HYCC1: variants seen among roughly 807,000 people sequenced by gnomAD.
The protein encoded by HYCC1 is hyccin PI4KA lipid kinase complex subunit 1, also known as hyccin.
At chr7:22,976,905 C>A in the HYCC1 span, 1 of 743,260 alleles carries the variant, frequency 1.3e-6, no homozygotes. Context: ...CTACCACGAA[C>A]ATCATATATC....
the HYCC1 span, among the ~76,000 whole-genome samples, chr7:22,921,887 AG>A: frequency 1.3e-5 from 2 of 152,200 alleles, no homozygotes; most frequent in Admixed American, 6.5e-5. Flanking sequence ...ACATTGCTCA[AG>A]GGTCAACTGT....
chr7:22,927,330 A>T, the HYCC1 span, among the ~76,000 whole-genome samples: 27 of 152,122 alleles, frequency 1.8e-4, no homozygotes, highest in Non-Finnish European at 3.2e-4. Flanking sequence ...AATAACTAAG[A>T]TCAGAGCAGA....
At chr7:23,001,879 T>C in the HYCC1 span, among the ~76,000 whole-genome samples, 1 of 147,284 alleles carries the variant, frequency 6.8e-6, no homozygotes, top group Non-Finnish European at 1.5e-5. Flanking sequence ...TTGGTTTCCT[T>C]TGCTTTATGG....
chr7:22,960,829 C>A, the HYCC1 span, among the ~76,000 whole-genome samples: 2 of 152,154 alleles, frequency 1.3e-5, no homozygotes, highest in Admixed American at 6.5e-5. Context: ...GGGGCCTGAT[C>A]ACCTGAGGTC....
the HYCC1 span, among the ~76,000 whole-genome samples, chr7:22,909,660 C>T: frequency 6.6e-6 from 1 of 152,206 alleles, no homozygotes; most frequent in Non-Finnish European, 1.5e-5. Context: ...ACCTACAATG[C>T]TCTGAACACA....
the HYCC1 span, chr7:22,946,052 C>T: frequency 6.2e-7 from 1 of 1,613,576 alleles, no homozygotes. Flanking sequence ...ACAATTGTGA[C>T]TACTGTTTGA....
the HYCC1 span, among the ~76,000 whole-genome samples, chr7:22,971,135 T>C: frequency 2.5e-4 from 38 of 151,714 alleles, no homozygotes; most frequent in African/African-American, 8.5e-4. Flanking sequence ...AAATAAACTT[T>C]TGGGATTGTT....
the HYCC1 span, among the ~76,000 whole-genome samples, chr7:22,905,246 G>A: frequency 6.6e-6 from 1 of 151,610 alleles, no homozygotes; most frequent in Non-Finnish European, 1.5e-5. Flanking sequence ...TTGCTGTGTT[G>A]CCCAGGCTGG....
the HYCC1 span, among the ~76,000 whole-genome samples, chr7:22,909,288 T>C: frequency 6.6e-6 from 1 of 152,154 alleles, no homozygotes; most frequent in Non-Finnish European, 1.5e-5. Flanking sequence ...CCACCACCTC[T>C]TGTTCCTGCT....
At chr7:22,971,208 T>C in the HYCC1 span, among the ~76,000 whole-genome samples, 4 of 150,872 alleles carry the variant, frequency 2.7e-5, no homozygotes, top group African/African-American at 9.7e-5. Flanking sequence ...AGTTTATTTA[T>C]TCATGATAGA....
chr7:22,933,591 T>C, the HYCC1 span, among the ~76,000 whole-genome samples: 4 of 152,178 alleles, frequency 2.6e-5, no homozygotes, highest in African/African-American at 7.2e-5. Flanking sequence ...ATGTCTCTTG[T>C]AGTCACCATA....
At chr7:22,996,945 A>G in the HYCC1 span, among the ~76,000 whole-genome samples, 4 of 152,216 alleles carry the variant, frequency 2.6e-5, no homozygotes, top group Non-Finnish European at 2.9e-5. Context: ...TAAAAGAGAC[A>G]ATTAAAATAC....
the HYCC1 span, among the ~76,000 whole-genome samples, chr7:22,948,492 T>C: frequency 2.6e-5 from 4 of 152,106 alleles, no homozygotes; most frequent in Non-Finnish European, 4.4e-5. Flanking sequence ...GTGTGAGATA[T>C]GACCTGGGCA....
At chr7:22,921,223 C>T in the HYCC1 span, among the ~76,000 whole-genome samples, 1 of 152,120 alleles carries the variant, frequency 6.6e-6, no homozygotes, top group African/African-American at 2.4e-5. Flanking sequence ...TATATGTTTG[C>T]ATGTACATAT....
chr7:22,953,974 T>G, the HYCC1 span, among the ~76,000 whole-genome samples: 2 of 151,842 alleles, frequency 1.3e-5, no homozygotes, highest in Non-Finnish European at 3.0e-5. Flanking sequence ...CATTATAAAT[T>G]TTTAATTGCC....
At chr7:22,996,597 TAAAAAA>T in the HYCC1 span, among the ~76,000 whole-genome samples, 72 of 106,528 alleles carry the variant, frequency 6.8e-4, no homozygotes, top group Admixed American at 9.6e-4. Context: ...GTACAATTGT[TAAAAAA>T]AAAAAAAAAA....
chr7:22,970,837 C>T, the HYCC1 span, among the ~76,000 whole-genome samples: 8 of 152,308 alleles, frequency 5.3e-5, no homozygotes, highest in East Asian at 1.5e-3. Flanking sequence ...GAATGCCTGG[C>T]TCCTCTGTTC....
chr7:22,954,536 G>A, the HYCC1 span, among the ~76,000 whole-genome samples: 1 of 150,684 alleles, frequency 6.6e-6, no homozygotes, highest in Non-Finnish European at 1.5e-5. Flanking sequence ...AAATATGATG[G>A]CATCCATTAA....
chr7:22,904,741 T>C, the HYCC1 span, among the ~76,000 whole-genome samples: 37,957 of 151,210 alleles, frequency 0.25, 4,922 homozygotes, highest in East Asian at 0.48. Context: ...GCCAGGAGTT[T>C]GAGACCAGCC....
Sources: gnomAD v4.1 joint callset for allele counts (sites outside exome capture counted in the v4.1 genomes callset) on GRCh38, gnomAD v4.1.1 for gene constraint, MANE v1.5 for transcripts, NCBI Gene and HGNC (gene_info 2026-07-23, HGNC 2026-07-21) for gene names.